Variants in IGF2 observed in about 807,000 individuals in gnomAD.
IGF2 encodes the protein insulin-like growth factor 2.
Under a neutral mutation model 12.0 loss-of-function variants are expected in IGF2, and 2 were observed. The ratio of observed to expected loss-of-function variants is 0.17; its 90% CI spans 0.07 to 0.52. IGF2 has a LOEUF of 0.52. Ranked by LOEUF, IGF2 falls within the 20% of genes least tolerant of loss-of-function variation. The pLI is 0.95. For missense variants in IGF2, 211 were observed against 268.0 expected (o/e 0.79, Z 1.48); for synonymous variants, 105 against 110.1 (o/e 0.95, Z 0.29).
At chr11:2,135,571 C>G in intron 1 of IGF2, 42 bp from the exon 2 acceptor site, 1 of 1,584,748 alleles carries the variant, frequency 6.3e-7, no homozygotes, top group Non-Finnish European at 8.6e-7. Flanking sequence ...GCAGCCAGGC[C>G]AAGCCCCAGG....
At chr11:2,136,894 G>C (rs1859100306) in intron 1 of IGF2, among the ~76,000 whole-genome samples, 1 of 152,262 alleles carries the variant, frequency 6.6e-6, no homozygotes, top group Non-Finnish European at 1.5e-5. Context: ...GGGACCGGCA[G>C]AAAGCAGGAC....
At chr11:2,145,389 G>T, upstream of IGF2, among the ~76,000 whole-genome samples, 1 of 152,218 alleles carries the variant, frequency 6.6e-6, no homozygotes, top group East Asian at 1.9e-4. Flanking sequence ...ACAAAACCAG[G>T]GCCCCCAGGG....
In IGF2 at chr11:2,131,635, GCTGTGTT is replaced by G. The variant is rs1265417009; in HGVS notation, c.*1345_*1351del. On this transcript the variant is annotated 3_prime_UTR_variant, in exon 4 of 4. Coordinates refer to ENST00000416167, the MANE Select transcript of IGF2 (RefSeq NM_000612.6). The stretch of plus-strand genomic sequence containing the variant: ...CTGTGTGTGCATGTGTGTGCTGTGT[GCTGTGTT>G]CATGTGTGTGCTGTGTGTGCGTGTG... 1 of 209,998 alleles carries G rather than the reference GCTGTGTT, an allele frequency of 4.8e-6. No individual in the cohort carries two copies. Among genetic ancestry groups the G allele is most frequent in the Non-Finnish European group, 9.3e-6 (1 of 107,274 alleles). The allele number at this position is 209,998 out of a possible 1,614,324, so 13.0% of individuals were successfully genotyped here.
At chr11:2,141,356 A>T (rs998308472), upstream of IGF2, 1 of 152,258 alleles carries the variant, frequency 6.6e-6, no homozygotes, top group Non-Finnish European at 1.5e-5. Context: ...GGACTCCGTT[A>T]ATGTGGGAAC....
the IGF2 span, chr11:2,146,396 C>A: frequency 5.6e-6 from 3 of 534,508 alleles, no homozygotes; most frequent in South Asian, 2.8e-5. Flanking sequence ...TCACTCCCCT[C>A]GCTGGGGAAG....
At chr11:2,140,871 C>A, upstream of IGF2, 2 of 363,214 alleles carry the variant, frequency 5.5e-6, no homozygotes, top group South Asian at 1.9e-5. Flanking sequence ...AAGCTGGAGG[C>A]TGCGTCCGCG....
chr11:2,134,908 CTTATTGATTTTAATTATATAAATCACT>C (rs1175921247), intron 2 of IGF2, among the ~76,000 whole-genome samples: 5 of 152,364 alleles, frequency 3.3e-5, no homozygotes, highest in African/African-American at 1.2e-4. Context: ...CTGCACTTGT[CTTATTGATTTTAATTATATAAATCACT>C]TTATTGATTT....
At chr11:2,134,423 C>T (rs1337338804) in intron 2 of IGF2, among the ~76,000 whole-genome samples, 1 of 152,242 alleles carries the variant, frequency 6.6e-6, no homozygotes, top group Non-Finnish European at 1.5e-5. Context: ...CCCTGCAGTG[C>T]CACTTCCTAC....
At position 2,133,894 on chromosome 11, in the gene IGF2, G is replaced by A. The variant is rs1443046482; in HGVS notation, c.158-229C>T. The stretch of plus-strand genomic sequence containing the variant: ...CCCAGACCAGCCCGTGGCCTCTGCT[G>A]CCTCCTTCCTCAGATGAAAAATGGG... On this transcript the variant is annotated intron_variant, in intron 2 of 3. Transcript: ENST00000416167. This position sits in a 1 kb window ranked among gnomAD's most constrained non-coding sequence, Gnocchi z 8.9. Among the ~76,000 whole-genome samples the A allele has an allele frequency of 2.0e-5, 3 of 152,250 alleles. No homozygotes were observed. The highest frequency in any genetic ancestry group is 4.4e-5 in the Non-Finnish European group (3 of 68,038).
At chr11:2,134,149 G>A (rs537385465) in intron 2 of IGF2, 1 of 515,556 alleles carries the variant, frequency 1.9e-6, no homozygotes, top group Non-Finnish European at 3.9e-6. Context: ...GAGAAGACGG[G>A]AGGAGAGGAG....
rs763381889 is a variant in IGF2 at position 2,136,817 on chromosome 11, G to A, written c.-6-1288C>T. Among the ~76,000 whole-genome samples the A allele has an allele frequency of 2.1e-4, 32 of 152,320 alleles. No individual in the cohort carries two copies. The South Asian group carries it at 3.1e-3, about 15-fold the overall frequency. Reference sequence around the variant, plus strand: ...TTCTAAGAGCACACTCCGCCAGCTGGCCACTCTAGCCCTCGCCGCGCTTCC... The same window carrying A: ...TTCTAAGAGCACACTCCGCCAGCTGACCACTCTAGCCCTCGCCGCGCTTCC... On this transcript the variant is annotated intron_variant, in intron 1 of 3. Transcript: ENST00000416167.
chr11:2,139,016 G>A lies in IGF2; in HGVS notation c.-794C>T. On this transcript the variant is annotated 5_prime_UTR_variant, in exon 1 of 4. Coordinates refer to ENST00000416167, the MANE Select transcript of IGF2 (RefSeq NM_000612.6). ...CGCTCCGGGACGCAGCGCGGAAAGG[G>A]GAGCGGCCCGAGGCTGCGCGCCGGG... is the stretch of plus-strand genomic sequence containing the variant. The A allele has an allele frequency of 2.1e-6, 2 of 969,176 alleles. No individual in the cohort carries two copies. Among genetic ancestry groups the A allele is most frequent in the Non-Finnish European group, 2.4e-6 (2 of 817,456 alleles). 60.0% of individuals were successfully genotyped at this position (969,176 alleles called of 1,614,324 possible).
chr11:2,130,862 G>C lies in IGF2; in HGVS notation c.*2125C>G. The C allele has an allele frequency of 5.0e-6, 1 of 200,772 alleles. No individual in the cohort carries two copies. Among genetic ancestry groups the C allele is most frequent in the Non-Finnish European group, 1.0e-5 (1 of 97,870 alleles). The allele number at this position is 200,772 out of a possible 1,614,324, so 12.4% of individuals were successfully genotyped here. ...CCCCGAGGACTCCACATTTCTTGGG[G>C]GGTCCCCAGGAGACGGGCAAAGATG... On this transcript the variant is annotated 3_prime_UTR_variant, in exon 4 of 4. Coordinates refer to ENST00000416167, the MANE Select transcript of IGF2 (RefSeq NM_000612.6).
rs577941383 is a variant in IGF2 at position 2,129,391 on chromosome 11, G to C, written c.*3596C>G. 4.4e-6 allele frequency: 1 copy of C among 228,920 alleles called. No individual in the cohort carries two copies. The highest frequency in any genetic ancestry group is 2.2e-5 in the African/African-American group (1 of 45,040). The allele number at this position is 228,920 out of a possible 1,614,324, so 14.2% of individuals were successfully genotyped here. On this transcript the variant is annotated 3_prime_UTR_variant, in exon 4 of 4. Transcript: ENST00000416167. This position sits in a 1 kb window ranked among gnomAD's most constrained non-coding sequence, Gnocchi z 8.1. ...AAGATGGAGAGCCACGACTAGGCAC[G>C]GAGGTCAGACAGGCAGCCCGGGCCA...
upstream of IGF2, among the ~76,000 whole-genome samples, chr11:2,145,364 A>T (rs985097861): frequency 4.6e-5 from 7 of 152,190 alleles, no homozygotes; most frequent in Non-Finnish European, 1.0e-4. Context: ...TAGGTTGCCG[A>T]GGCTCCCGTC....
Position 2,132,003 on chromosome 11 carries a change from G to A in IGF2, c.*984C>T, listed in dbSNP as rs1858633955. ...GTGTGTGTGCTGTGCGTTTGTGTGT[G>A]TGCTGTGTGCTCATCTGTGTGCTGT... On this transcript the variant is annotated 3_prime_UTR_variant, in exon 4 of 4. Transcript: ENST00000416167. 5.5e-6 allele frequency: 1 copy of A among 180,496 alleles called. No homozygotes were observed. Among genetic ancestry groups the A allele is most frequent in the Non-Finnish European group, 1.1e-5 (1 of 90,842 alleles). 11.2% of individuals were successfully genotyped at this position (180,496 alleles called of 1,614,324 possible).
At position 2,137,529 on chromosome 11, in the gene IGF2, A is replaced by AGG. The variant is rs112129175; in HGVS notation, c.-7+698_-7+699dup. Among the ~76,000 whole-genome samples the AGG allele has an allele frequency of 9.1e-4, 132 of 145,628 alleles. 1 individual carries two copies. The highest frequency in any genetic ancestry group is 1.3e-3 in the Non-Finnish European group (86 of 65,916). On this transcript the variant is annotated intron_variant, in intron 1 of 3. Coordinates refer to ENST00000416167, the MANE Select transcript of IGF2 (RefSeq NM_000612.6). ...GGCTCATCTCTGCACAGGGCAGTGAAGGGGGGGGGGGTCTCCTTCCCACCT... is the reference window on the plus strand; with the variant it reads ...GGCTCATCTCTGCACAGGGCAGTGAAGGGGGGGGGGGGGTCTCCTTCCCACCT...
At chr11:2,135,602 C>T in intron 1 of IGF2, 73 bp from the exon 2 acceptor site, 1 of 1,359,120 alleles carries the variant, frequency 7.4e-7, no homozygotes, top group Non-Finnish European at 1.0e-6. Flanking sequence ...CCCTCCCAAA[C>T]CAAATTTGCC....
At chr11:2,145,924 C>T (rs539163143), upstream of IGF2, among the ~76,000 whole-genome samples, 1 of 152,188 alleles carries the variant, frequency 6.6e-6, no homozygotes, top group East Asian at 1.9e-4. Context: ...ACTTCCAGCC[C>T]CCGGAGGTAG....
Sources: gnomAD v4.1 joint callset for allele counts (sites outside exome capture counted in the v4.1 genomes callset) on GRCh38, gnomAD v4.1.1 for gene constraint, Gnocchi (gnomAD v3.1) non-coding constraint, MANE v1.5 for transcripts, NCBI Gene and HGNC (gene_info 2026-07-23, HGNC 2026-07-21) for gene names.